Variants in SETBP1 observed in about 807,000 individuals in gnomAD.
SETBP1 encodes the protein SET binding protein 1, also known as SET-binding protein.
SETBP1 carries 9 observed loss-of-function variants against 101.0 expected under a neutral mutation model. The observed-to-expected ratio is 0.09, with a 90% CI of 0.05 to 0.16. SETBP1 has a LOEUF of 0.16. Ranked by LOEUF, SETBP1 falls within the 10% of genes least tolerant of loss-of-function variation. The probability of loss-of-function intolerance (pLI) is 1.00; values close to 1 mark genes in which losing one functional copy is unlikely to be tolerated. For synonymous variants in SETBP1, 818 were observed against 788.5 expected (o/e 1.04, Z -0.63); for missense variants, 1,858 against 2,033.8 (o/e 0.91, Z 1.66).
intron 2 of SETBP1, among the ~76,000 whole-genome samples, chr18:44,748,044 C>G (rs1206793636): frequency 6.6e-6 from 1 of 152,184 alleles, no homozygotes; most frequent in African/African-American, 2.4e-5. Context: ...TGGCAGTACC[C>G]TGACTGCACT....
chr18:44,898,971 G>A (rs747060483), intron 3 of SETBP1, among the ~76,000 whole-genome samples: 4 of 152,170 alleles, frequency 2.6e-5, no homozygotes, highest in Non-Finnish European at 5.9e-5. Context: ...CTGAGGGATT[G>A]CCCAAATGGA....
chr18:45,030,990 GT>G (rs555401200), intron 4 of SETBP1, among the ~76,000 whole-genome samples: 3 of 151,820 alleles, frequency 2.0e-5, no homozygotes, highest in South Asian at 4.2e-4. Flanking sequence ...TTTTTGAAGG[GT>G]TTTTTGTGTC....
intron 2 of SETBP1, among the ~76,000 whole-genome samples, chr18:44,756,851 G>A (rs2070507505): frequency 1.3e-5 from 2 of 152,102 alleles, no homozygotes; most frequent in African/African-American, 2.4e-5. Flanking sequence ...CCTCTATGTG[G>A]GGAGAATAAA....
At chr18:45,060,475 A>C (rs112784650) in intron 5 of SETBP1, among the ~76,000 whole-genome samples, 3 of 151,882 alleles carry the variant, frequency 2.0e-5, no homozygotes, top group African/African-American at 7.2e-5. Flanking sequence ...ACAAGCATAG[A>C]AAAAAGGGAA....
chr18:44,782,725 G>T (rs1166372748), intron 2 of SETBP1, among the ~76,000 whole-genome samples: 1 of 152,212 alleles, frequency 6.6e-6, no homozygotes. Flanking sequence ...GAATCCTGGG[G>T]GTTGCAAATA....
intron 3 of SETBP1, among the ~76,000 whole-genome samples, chr18:44,872,361 C>G (rs78366582): frequency 6.6e-6 from 1 of 151,930 alleles, no homozygotes; most frequent in East Asian, 1.9e-4. Flanking sequence ...TATAGTCTTC[C>G]GATCTTTGTT....
intron 2 of SETBP1, among the ~76,000 whole-genome samples, chr18:44,806,119 T>C (rs763781819): frequency 4.6e-5 from 7 of 152,082 alleles, no homozygotes; most frequent in Non-Finnish European, 1.0e-4. Flanking sequence ...CTGCCTACCA[T>C]TAAATGAAGG....
intron 4 of SETBP1, among the ~76,000 whole-genome samples, chr18:44,965,038 G>A (rs1279993375): frequency 6.6e-6 from 1 of 152,120 alleles, no homozygotes; most frequent in Non-Finnish European, 1.5e-5. Flanking sequence ...TCAAGTCTCA[G>A]GACATTAACT....
chr18:45,062,335 TC>T (rs2145589837), intron 5 of SETBP1, among the ~76,000 whole-genome samples: 1 of 152,228 alleles, frequency 6.6e-6, no homozygotes, highest in East Asian at 1.9e-4. Flanking sequence ...GGCTGATACT[TC>T]CCTTGAGGTT....
intron 4 of SETBP1, among the ~76,000 whole-genome samples, chr18:45,037,499 C>T (rs962536676): frequency 3.9e-5 from 6 of 152,092 alleles, no homozygotes; most frequent in African/African-American, 9.7e-5. Context: ...ATTGACTTGT[C>T]GGATGCTCAC....
At chr18:44,811,288 T>G (rs2071857473) in intron 2 of SETBP1, among the ~76,000 whole-genome samples, 1 of 152,254 alleles carries the variant, frequency 6.6e-6, no homozygotes, top group Non-Finnish European at 1.5e-5. Context: ...TGAACATTCA[T>G]CCAGGCAGAG....
intron 4 of SETBP1, among the ~76,000 whole-genome samples, chr18:45,029,461 G>T (rs1238848597): frequency 2.6e-5 from 4 of 152,128 alleles, no homozygotes; most frequent in Non-Finnish European, 4.4e-5. Context: ...CTCCAGCTTT[G>T]TTCTTTTGGC....
intron 2 of SETBP1, among the ~76,000 whole-genome samples, chr18:44,854,675 C>T (rs1350513892): frequency 6.6e-6 from 1 of 152,236 alleles, no homozygotes; most frequent in East Asian, 1.9e-4. Flanking sequence ...CTTAACCTCT[C>T]ATGCCATAGC....
rs542906711 is a variant in SETBP1 at position 44,935,279 on chromosome 18, G to A, written c.541-14602G>A. ...ATTTTAGACTTGATTTATAATCAACGGTTATTTTAGCCCTAATGGCAAAAA... is the reference window on the plus strand; with the variant it reads ...ATTTTAGACTTGATTTATAATCAACAGTTATTTTAGCCCTAATGGCAAAAA... On this transcript the variant is annotated intron_variant, in intron 3 of 5. Transcript: ENST00000649279. Among the ~76,000 whole-genome samples the A allele has an allele frequency of 9.9e-5, 15 of 152,158 alleles. No individual in the cohort carries two copies. In the East Asian group the frequency reaches 1.2e-3, roughly 12 times the overall value.
chr18:45,029,568 T>G (rs991252587), intron 4 of SETBP1, among the ~76,000 whole-genome samples: 4 of 152,206 alleles, frequency 2.6e-5, no homozygotes, highest in African/African-American at 9.7e-5. Flanking sequence ...GGTAGCTTGA[T>G]GGGGATGGCA....
intron 2 of SETBP1, among the ~76,000 whole-genome samples, chr18:44,709,525 C>T (rs542697970): frequency 1.3e-5 from 2 of 152,312 alleles, no homozygotes; most frequent in East Asian, 1.9e-4. Flanking sequence ...ATAACAGCAG[C>T]CCCTCCTTGT....
intron 3 of SETBP1, among the ~76,000 whole-genome samples, chr18:44,933,051 T>C (rs892077095): frequency 4.6e-5 from 7 of 152,222 alleles, no homozygotes; most frequent in African/African-American, 1.7e-4. Context: ...ATTTTCAGCT[T>C]TTCAGTTGTG....
chr18:44,920,853 A>G (rs1317989624), intron 3 of SETBP1, among the ~76,000 whole-genome samples: 1 of 152,236 alleles, frequency 6.6e-6, no homozygotes, highest in Non-Finnish European at 1.5e-5. Flanking sequence ...GCATCGGCAT[A>G]GTCACCTTAC....
intron 2 of SETBP1, among the ~76,000 whole-genome samples, chr18:44,825,902 CTG>C (rs2072227964): frequency 6.6e-6 from 1 of 152,214 alleles, no homozygotes; most frequent in Non-Finnish European, 1.5e-5. Flanking sequence ...CACCTACTAA[CTG>C]TGTGATACAG....
Sources: allele counts gnomAD v4.1 joint callset (sites outside exome capture counted in the v4.1 genomes callset), GRCh38; gene constraint gnomAD v4.1.1; transcripts MANE v1.5; gene names NCBI Gene and HGNC (gene_info 2026-07-23, HGNC 2026-07-21).